OXR1: variants seen among roughly 807,000 people sequenced by gnomAD.
The protein encoded by OXR1 is oxidation resistance protein 1.
A neutral mutation model predicts 104.6 loss-of-function variants in OXR1; 41 were observed. The ratio of observed to expected loss-of-function variants is 0.39; its 90% CI spans 0.31 to 0.51. The LOEUF is 0.51. OXR1 is among the 20% of genes least tolerant of loss of function. OXR1 has a pLI of 0.77. For synonymous variants in OXR1, 348 were observed against 348.4 expected (o/e 1.00, Z 0.01); for missense variants, 955 against 1,031.9 (o/e 0.93, Z 1.02).
chr8:106,675,680 T>C (rs1827512378), intron 3 of OXR1, among the ~76,000 whole-genome samples: 1 of 152,312 alleles, frequency 6.6e-6, no homozygotes, highest in South Asian at 2.1e-4. Context: ...GCTATGATTT[T>C]AGTCCTTTTG....
At chr8:106,284,104 T>A (rs2130003576) in intron 1 of OXR1, among the ~76,000 whole-genome samples, 1 of 152,098 alleles carries the variant, frequency 6.6e-6, no homozygotes, top group South Asian at 2.1e-4. Context: ...AAAGCAAACA[T>A]GGCCCATGCT....
intron 1 of OXR1, among the ~76,000 whole-genome samples, chr8:106,346,335 C>T (rs1372481829): frequency 2.0e-5 from 3 of 151,976 alleles, no homozygotes; most frequent in Non-Finnish European, 4.4e-5. Context: ...TCTGAACAGC[C>T]GGGACTATTA....
intron 3 of OXR1, among the ~76,000 whole-genome samples, chr8:106,610,101 A>ATT (rs34420371): frequency 4.6e-4 from 65 of 141,056 alleles, no homozygotes; most frequent in East Asian, 8.3e-4. Flanking sequence ...CAACCTTTTG[A>ATT]TTTTTTTTTT....
chr8:106,658,068 G>A (rs1825319125), intron 3 of OXR1: 3 of 1,248,398 alleles, frequency 2.4e-6, no homozygotes, highest in Non-Finnish European at 3.0e-6. Flanking sequence ...GTTCGGGGGC[G>A]GCGGCGAAGC....
rs1831603745 is a variant in OXR1, at chr8:106,710,734, A to G, written c.1737A>G (p.Gln579=). ...TFVSQASATM[Q]QYAQRDKKHE... is the part of the protein sequence containing the mutation. Reference sequence around the variant, plus strand: ...TATCTCAAGCAAGTGCTACAATGCAACAGTATGCACAGAGAGATAAGAAAC... The same window carrying G: ...TATCTCAAGCAAGTGCTACAATGCAGCAGTATGCACAGAGAGATAAGAAAC... The change falls in exon 10 of 17, where the codon CAA becomes CAG. Residue 579 remains glutamine, a synonymous_variant. Transcript: ENST00000517566. The G allele has an allele frequency of 6.3e-7, 1 of 1,592,184 alleles. No homozygotes were observed. The highest frequency in any genetic ancestry group is 8.6e-7 in the Non-Finnish European group (1 of 1,168,786).
intron 9 of OXR1, among the ~76,000 whole-genome samples, chr8:106,709,636 A>T (rs903968598): frequency 6.6e-6 from 1 of 152,070 alleles, no homozygotes; most frequent in Non-Finnish European, 1.5e-5. Context: ...TTATAACCAA[A>T]TATTAAAAGG....
rs181408281 is a variant in OXR1 at position 106,583,748 on chromosome 8, G to A, written c.220+64609G>A. Among the ~76,000 whole-genome samples, 726 of 152,252 alleles carry A rather than the reference G, an allele frequency of 4.8e-3. 4 individuals carry two copies. The highest frequency in any genetic ancestry group is 0.012 in the South Asian group (59 of 4,816). On this transcript the variant is annotated intron_variant, in intron 3 of 16. Transcript: ENST00000517566. ...TTGGTGATGTTGAGTATTTTAAAAA[G>A]TAGGAGTAAAGATAAAGCTAAAGTA...
chr8:106,616,391 C>T (rs2130821917), intron 3 of OXR1, among the ~76,000 whole-genome samples: 1 of 151,898 alleles, frequency 6.6e-6, no homozygotes, highest in African/African-American at 2.4e-5. Context: ...GTACCAGGAG[C>T]TTAACTAGAA....
intron 2 of OXR1, among the ~76,000 whole-genome samples, chr8:106,445,855 A>G (rs1408803656): frequency 6.6e-6 from 1 of 152,220 alleles, no homozygotes; most frequent in Non-Finnish European, 1.5e-5. Flanking sequence ...AACAGTGGCA[A>G]AAATGAAATG....
chr8:106,721,435 C>G (rs530793430), intron 11 of OXR1, among the ~76,000 whole-genome samples: 1 of 151,946 alleles, frequency 6.6e-6, no homozygotes, highest in Admixed American at 6.6e-5. Flanking sequence ...ATTTTAAGAA[C>G]GAATTTACTA....
At chr8:106,646,619 G>A (rs1047717134) in intron 3 of OXR1, among the ~76,000 whole-genome samples, 2 of 151,898 alleles carry the variant, frequency 1.3e-5, no homozygotes, top group Non-Finnish European at 2.9e-5. Flanking sequence ...ACCCATTATA[G>A]AATTAAGAGA....
At chr8:106,716,487 G>A (rs1291233884) in intron 11 of OXR1, among the ~76,000 whole-genome samples, 2 of 89,018 alleles carry the variant, frequency 2.2e-5, no homozygotes, top group Admixed American at 9.9e-5. Context: ...AGCCGGGCGC[G>A]GTGGTGGGTG....
chr8:106,348,310 C>A (rs1440512376), intron 1 of OXR1, among the ~76,000 whole-genome samples: 2 of 152,116 alleles, frequency 1.3e-5, no homozygotes, highest in African/African-American at 4.8e-5. Context: ...CAAACACACA[C>A]GCACACACCC....
At chr8:106,317,886 A>G (rs1814039458) in intron 1 of OXR1, among the ~76,000 whole-genome samples, 1 of 152,154 alleles carries the variant, frequency 6.6e-6, no homozygotes, top group Admixed American at 6.5e-5. Flanking sequence ...TTCAGCCACA[A>G]TAATGTGCAT....
intron 1 of OXR1, among the ~76,000 whole-genome samples, chr8:106,277,224 T>G (rs1812085094): frequency 1.3e-5 from 2 of 152,196 alleles, no homozygotes; most frequent in Non-Finnish European, 2.9e-5. Flanking sequence ...TGAAAGAACA[T>G]TCTCTTTAGC....
chr8:106,716,042 A>G (rs2131424708), intron 11 of OXR1, among the ~76,000 whole-genome samples: 1 of 152,312 alleles, frequency 6.6e-6, no homozygotes, highest in South Asian at 2.1e-4. Flanking sequence ...TTTAGTTTTA[A>G]TTATTAATTA....
intron 1 of OXR1, among the ~76,000 whole-genome samples, chr8:106,339,234 G>A (rs756438686): frequency 1.3e-5 from 2 of 151,124 alleles, no homozygotes; most frequent in Non-Finnish European, 2.9e-5. Context: ...GGTGGCTCAC[G>A]CCTGTAATCC....
At chr8:106,746,142 A>C (rs1403585492) in intron 16 of OXR1, among the ~76,000 whole-genome samples, 1 of 152,164 alleles carries the variant, frequency 6.6e-6, no homozygotes, top group East Asian at 1.9e-4. Flanking sequence ...CTTTGATAAT[A>C]TAAAGGGAAA....
chr8:106,394,597 A>G (rs1376988420), intron 2 of OXR1, among the ~76,000 whole-genome samples: 3 of 152,160 alleles, frequency 2.0e-5, no homozygotes. Flanking sequence ...ACTACTCAGC[A>G]ATAAAGAGTG....
Sources: allele counts gnomAD v4.1 joint callset (sites outside exome capture counted in the v4.1 genomes callset), GRCh38; gene constraint gnomAD v4.1.1; transcripts MANE v1.5; gene names NCBI Gene and HGNC (gene_info 2026-07-23, HGNC 2026-07-21).